PRKCE: variants seen among roughly 807,000 people sequenced by gnomAD.
PRKCE encodes the protein protein kinase C epsilon.
In PRKCE, 16 loss-of-function variants were observed where a neutral mutation model predicts 85.4. The ratio of observed to expected loss-of-function variants is 0.19; its 90% CI spans 0.13 to 0.28. The LOEUF (loss-of-function observed/expected upper bound fraction) is 0.28. Ranked by LOEUF, PRKCE falls within the 10% of genes least tolerant of loss-of-function variation. The pLI is 1.00. For synonymous variants in PRKCE, 388 were observed against 371.5 expected, an observed-to-expected ratio of 1.04 and a Z score of -0.51; for missense variants, 573 against 975.2, an observed-to-expected ratio of 0.59 and a Z score of 5.49.
intron 1 of PRKCE, among the ~76,000 whole-genome samples, chr2:45,681,120 C>G (rs1332837473): frequency 6.6e-6 from 1 of 151,810 alleles, no homozygotes; most frequent in Non-Finnish European, 1.5e-5. Flanking sequence ...AAAACCCCGT[C>G]TCTACTAAAA....
chr2:45,699,184 C>T (rs1678409051), intron 1 of PRKCE, among the ~76,000 whole-genome samples: 2 of 152,026 alleles, frequency 1.3e-5, no homozygotes, highest in African/African-American at 4.8e-5. Context: ...TGCTGTTCGT[C>T]CTTAGCAGGC....
intron 2 of PRKCE, among the ~76,000 whole-genome samples, chr2:45,900,777 T>C (rs1025347757): frequency 6.6e-6 from 1 of 152,234 alleles, no homozygotes; most frequent in African/African-American, 2.4e-5. Context: ...GTTTGTGTAA[T>C]TTACCACTGT....
intron 1 of PRKCE, among the ~76,000 whole-genome samples, chr2:45,703,534 T>G (rs1286174061): frequency 2.2e-5 from 3 of 138,994 alleles, no homozygotes; most frequent in African/African-American, 7.5e-5. Context: ...TGAGACCTTG[T>G]CTCTAAAAAA....
chr2:45,727,746 C>T (rs1483160614), intron 1 of PRKCE, among the ~76,000 whole-genome samples: 2 of 152,156 alleles, frequency 1.3e-5, no homozygotes, highest in African/African-American at 2.4e-5. Flanking sequence ...CCGCTGGCTC[C>T]TGGGTTCAAG....
At chr2:45,818,036 G>A (rs1271915457) in intron 1 of PRKCE, among the ~76,000 whole-genome samples, 1 of 152,200 alleles carries the variant, frequency 6.6e-6, no homozygotes, top group Non-Finnish European at 1.5e-5. Flanking sequence ...CTTAGAGTAT[G>A]ACCTGAGACA....
intron 1 of PRKCE, among the ~76,000 whole-genome samples, chr2:45,692,128 T>C (rs1158039388): frequency 6.6e-6 from 1 of 152,192 alleles, no homozygotes; most frequent in Non-Finnish European, 1.5e-5. Context: ...TTAAGGGCTC[T>C]ATGGACAGTG....
chr2:45,813,330 C>G (rs1688784946), intron 1 of PRKCE, among the ~76,000 whole-genome samples: 2 of 152,186 alleles, frequency 1.3e-5, no homozygotes, highest in South Asian at 4.1e-4. Flanking sequence ...GACTCCCTGA[C>G]TGCATTAGCA....
chr2:46,159,464 C>A lies in PRKCE; in HGVS notation c.1921-142C>A. On this transcript the variant is annotated intron_variant, in intron 13 of 14. Coordinates refer to ENST00000306156, the MANE Select transcript of PRKCE (RefSeq NM_005400.3). The surrounding 1 kb of genome is among the most constrained non-coding windows in gnomAD (Gnocchi z 4.1). ...TATGTAAGAGTTAAAGAAAACCCAA[C>A]AGATGTGGCCCTTGAAAGTGCAAAG... 1 of 784,172 alleles carries A rather than the reference C, an allele frequency of 1.3e-6. No homozygotes were observed. The highest frequency in any genetic ancestry group is 2.0e-6 in the Non-Finnish European group (1 of 510,880). 48.6% of individuals were successfully genotyped at this position (784,172 alleles called of 1,614,324 possible).
chr2:46,080,972 TAC>T (rs112421012), intron 10 of PRKCE, among the ~76,000 whole-genome samples: 34,912 of 147,422 alleles, frequency 0.24, 4,705 homozygotes, highest in East Asian at 0.37. Flanking sequence ...CAGTTATGCA[TAC>T]ACACACACAC....
At chr2:45,808,731 T>A (rs1178742541) in intron 1 of PRKCE, among the ~76,000 whole-genome samples, 1 of 152,126 alleles carries the variant, frequency 6.6e-6, no homozygotes, top group African/African-American at 2.4e-5. Context: ...AAGTATATAA[T>A]CTTAGGACTG....
chr2:46,131,230 G>A (rs1001599573), intron 11 of PRKCE, among the ~76,000 whole-genome samples: 1 of 152,204 alleles, frequency 6.6e-6, no homozygotes, highest in African/African-American at 2.4e-5. Context: ...CAGAGGCAGG[G>A]GTGAGGCTGT....
chr2:45,719,062 A>G (rs1242813728), intron 1 of PRKCE, among the ~76,000 whole-genome samples: 1 of 152,262 alleles, frequency 6.6e-6, no homozygotes, highest in Non-Finnish European at 1.5e-5. Context: ...ACTTTTCTTC[A>G]CAATGTAAAG....
chr2:45,767,605 G>A (rs185757721), intron 1 of PRKCE, among the ~76,000 whole-genome samples: 17 of 152,304 alleles, frequency 1.1e-4, no homozygotes, highest in Admixed American at 4.6e-4. Context: ...CTCAATCTCC[G>A]GGGGCATAAG....
At chr2:45,761,244 G>A (rs924556889) in intron 1 of PRKCE, among the ~76,000 whole-genome samples, 52 of 146,788 alleles carry the variant, frequency 3.5e-4, no homozygotes, top group African/African-American at 5.5e-4. Context: ...GGAGAATGGC[G>A]TGAACCCGGG....
At chr2:45,878,999 G>A (rs1429975564) in intron 2 of PRKCE, among the ~76,000 whole-genome samples, 2 of 152,154 alleles carry the variant, frequency 1.3e-5, no homozygotes, top group African/African-American at 4.8e-5. Context: ...GAAAAGGGCT[G>A]GGTCCCTGGT....
At chr2:45,937,514 C>T (rs574677428) in intron 2 of PRKCE, among the ~76,000 whole-genome samples, 1 of 152,278 alleles carries the variant, frequency 6.6e-6, no homozygotes, top group African/African-American at 2.4e-5. Context: ...AGATGAAGAC[C>T]ATCCTGGCTA....
intron 12 of PRKCE, among the ~76,000 whole-genome samples, chr2:46,150,440 G>T (rs1477716396): frequency 3.3e-5 from 5 of 152,218 alleles, no homozygotes; most frequent in Admixed American, 3.3e-4. Flanking sequence ...ATGAACAATA[G>T]AGATGGGTTT....
chr2:45,904,006 C>T (rs61056767), intron 2 of PRKCE, among the ~76,000 whole-genome samples: 2,339 of 151,686 alleles, frequency 0.015, 64 homozygotes, highest in African/African-American at 0.054. Flanking sequence ...TGAGTTCAAG[C>T]GATTCTCGTG....
At chr2:46,089,401 T>G (rs866634600) in intron 11 of PRKCE, among the ~76,000 whole-genome samples, 19 of 152,214 alleles carry the variant, frequency 1.2e-4, no homozygotes, top group African/African-American at 4.6e-4. Flanking sequence ...CTGGCTAGTT[T>G]GCAGTAGTTA....
Sources: allele counts gnomAD v4.1 joint callset (sites outside exome capture counted in the v4.1 genomes callset), GRCh38; gene constraint gnomAD v4.1.1; non-coding constraint Gnocchi (gnomAD v3.1); transcripts MANE v1.5; gene names NCBI Gene and HGNC (gene_info 2026-07-23, HGNC 2026-07-21).